The following SASS6 variants were observed in gnomAD, a reference collection of about 807,000 sequenced individuals.
The protein encoded by SASS6 is spindle assembly abnormal protein 6 homolog.
Under a neutral mutation model 94.9 loss-of-function variants are expected in SASS6, and 59 were observed. The ratio of observed to expected loss-of-function variants is 0.62; its 90% CI spans 0.50 to 0.77. The LOEUF is 0.77. Ranked by LOEUF, SASS6 falls within the 30% of genes least tolerant of loss-of-function variation. The pLI is 0.00. For synonymous variants in SASS6, 264 were observed against 270.0 expected (o/e 0.98, Z 0.22); for missense variants, 698 against 734.1 (o/e 0.95, Z 0.57).
rs896148191 is a variant in SASS6 at position 100,120,869 on chromosome 1, T to C, written c.484-410A>G. On this transcript the variant is annotated intron_variant, in intron 5 of 16. Coordinates refer to ENST00000287482, the MANE Select transcript of SASS6 (RefSeq NM_194292.3). ...ATTGAGACCATCCTGGCTAAAACGG[T>C]GAAACCCCGTCTCTACTAAAAATAC... Among the ~76,000 whole-genome samples the C allele has an allele frequency of 2.6e-5, 4 of 151,634 alleles. No individual in the cohort carries two copies. The South Asian group carries it at 8.4e-4, about 32-fold the overall frequency.
Position 100,103,227 on chromosome 1 carries a change from A to G in SASS6, c.1546-144T>C. 7.1e-6 allele frequency: 4 copies of G among 560,166 alleles called. No homozygotes were observed. In the Middle Eastern group the frequency reaches 1.5e-3, roughly 205 times the overall value. The allele number at this position is 560,166 out of a possible 1,614,324, so 34.7% of individuals were successfully genotyped here. ...ACGCCAGTCTTGTTTATCATGCCAC[A>G]CAACTCTGCTTTATTATCTACCATG... is the stretch of plus-strand genomic sequence containing the variant. On this transcript the variant is annotated intron_variant, in intron 13 of 16. Transcript: ENST00000287482.
At chr1:100,113,457 A>C (rs1159581659) in intron 7 of SASS6, among the ~76,000 whole-genome samples, 1 of 151,978 alleles carries the variant, frequency 6.6e-6, no homozygotes, top group African/African-American at 2.4e-5. Context: ...AAAGACAAAA[A>C]AAAGTACAAA....
At chr1:100,091,162 G>C (rs966322121) in intron 14 of SASS6, among the ~76,000 whole-genome samples, 1 of 152,046 alleles carries the variant, frequency 6.6e-6, no homozygotes, top group African/African-American at 2.4e-5. Flanking sequence ...AAAATTAACT[G>C]GGGGTGGTGG....
intron 7 of SASS6, among the ~76,000 whole-genome samples, chr1:100,118,257 G>C (rs907394450): frequency 1.3e-5 from 2 of 151,994 alleles, no homozygotes; most frequent in African/African-American, 2.4e-5. Flanking sequence ...AGAGGTTACA[G>C]TGAGCCGAGA....
At chr1:100,120,788 C>A (rs577517414) in intron 5 of SASS6, among the ~76,000 whole-genome samples, 1 of 152,112 alleles carries the variant, frequency 6.6e-6, no homozygotes, top group Non-Finnish European at 1.5e-5. Context: ...CGGTGGCTCA[C>A]GCCTGTAGTC....
At chr1:100,121,311 T>C in intron 5 of SASS6, 67 bp downstream of exon 5, 1 of 917,638 alleles carries the variant, frequency 1.1e-6, no homozygotes, top group Non-Finnish European at 1.6e-6. Context: ...AATGTATCTC[T>C]TCAATAATTT....
chr1:100,089,981 G>T (rs1424165025), intron 14 of SASS6, among the ~76,000 whole-genome samples: 1 of 151,806 alleles, frequency 6.6e-6, no homozygotes, highest in Non-Finnish European at 1.5e-5. Flanking sequence ...AGAAATGGAA[G>T]TATATTATTG....
At chr1:100,089,421 A>G (rs1484825871) in intron 14 of SASS6, among the ~76,000 whole-genome samples, 2 of 152,158 alleles carry the variant, frequency 1.3e-5, no homozygotes, top group African/African-American at 4.8e-5. Context: ...CCCCAATTAA[A>G]CAATAATACA....
At chr1:100,111,810 GA>G (rs1384205673) in intron 7 of SASS6, among the ~76,000 whole-genome samples, 2 of 152,048 alleles carry the variant, frequency 1.3e-5, no homozygotes, top group Non-Finnish European at 2.9e-5. Flanking sequence ...CATCTTGGAA[GA>G]AAACATTGAA....
intron 7 of SASS6, among the ~76,000 whole-genome samples, chr1:100,114,091 G>A (rs1653607303): frequency 6.6e-6 from 1 of 152,008 alleles, no homozygotes; most frequent in Admixed American, 6.6e-5. Context: ...CTCAAGAAGA[G>A]AAAATTTAAA....
chr1:100,104,388 C>T (rs1437620651), intron 13 of SASS6, among the ~76,000 whole-genome samples: 2 of 152,128 alleles, frequency 1.3e-5, no homozygotes, highest in Non-Finnish European at 2.9e-5. Context: ...TAGGTAAGCT[C>T]CTAGCAGCAC....
intron 7 of SASS6, among the ~76,000 whole-genome samples, chr1:100,117,321 A>C (rs1653863239): frequency 6.6e-6 from 1 of 151,484 alleles, no homozygotes; most frequent in South Asian, 2.1e-4. Flanking sequence ...CTATAGTACG[A>C]AAGGTAGAAA....
Position 100,122,418 on chromosome 1 carries a change from AAGG to A in SASS6, c.270_272del (p.Leu91del), listed in dbSNP as rs768514939. 1.3e-6 allele frequency: 2 copies of A among 1,579,106 alleles called. No homozygotes were observed. The highest frequency in any genetic ancestry group is 1.7e-6 in the Non-Finnish European group (2 of 1,150,392). On this transcript the variant is annotated inframe_deletion, in exon 4 of 17. Transcript: ENST00000287482. ...TGGCATGTTCTTGAGTACATTGCTG[AAGG>A]AGATCTATAAATTTTTGTGGGAAAG... is the stretch of plus-strand genomic sequence containing the variant.
At chr1:100,091,989 C>T (rs1370522636) in intron 14 of SASS6, among the ~76,000 whole-genome samples, 1 of 83,820 alleles carries the variant, frequency 1.2e-5, no homozygotes, top group Non-Finnish European at 2.1e-5. Flanking sequence ...GCCTGAGCTA[C>T]AAAGCGAGAC....
chr1:100,092,007 C>CA (rs34503110), intron 14 of SASS6, among the ~76,000 whole-genome samples: 2,815 of 49,938 alleles, frequency 0.056, 242 homozygotes, highest in African/African-American at 0.083. Context: ...GACCCTGTCT[C>CA]AAAAAAAAAA....
intron 14 of SASS6, 33 bp from the exon 15 acceptor site, chr1:100,088,269 G>A (rs769996132): frequency 3.8e-6 from 4 of 1,064,692 alleles, no homozygotes; most frequent in Non-Finnish European, 4.4e-6. Flanking sequence ...ATGTAACTGA[G>A]TTATATAGAA....
Position 100,085,617 on chromosome 1 carries a change from C to G in SASS6, c.1786G>C (p.Gly596Arg), listed in dbSNP as rs1369641158. Reference protein sequence around the residue: ...STDKENGENVGLESKYLKKRE... With the variant: ...STDKENGENVRLESKYLKKRE... The stretch of plus-strand genomic sequence containing the variant: ...TTCTTCAGGTATTTGGATTCCAACC[C>G]TACATTTTCACCACTTAAAAAGAAA... The change falls in exon 16 of 17, where the codon GGG (glycine) becomes CGG (arginine). Residue 596 changes from glycine to arginine, a missense_variant. By Grantham distance (125) the Gly-to-Arg change is moderately radical. Coordinates refer to ENST00000287482, the MANE Select transcript of SASS6 (RefSeq NM_194292.3). 6.2e-7 allele frequency: 1 copy of G among 1,607,348 alleles called. No individual in the cohort carries two copies. Among genetic ancestry groups the G allele is most frequent in the Non-Finnish European group, 8.5e-7 (1 of 1,174,998 alleles).
chr1:100,126,694 G>A (rs113093054), intron 1 of SASS6, among the ~76,000 whole-genome samples: 10 of 152,096 alleles, frequency 6.6e-5, no homozygotes, highest in East Asian at 5.8e-4. Flanking sequence ...GGAGAAATGC[G>A]GAACCTGGTA....
chr1:100,110,855 G>A (rs1235994381), intron 7 of SASS6, among the ~76,000 whole-genome samples: 1 of 151,644 alleles, frequency 6.6e-6, no homozygotes, highest in Non-Finnish European at 1.5e-5. Context: ...TAAAAAAAAA[G>A]CAGATTTTTG....
Sources: allele counts gnomAD v4.1 joint callset (sites outside exome capture counted in the v4.1 genomes callset), GRCh38; gene constraint gnomAD v4.1.1; transcripts MANE v1.5; gene names NCBI Gene and HGNC (gene_info 2026-07-23, HGNC 2026-07-21).